The following DENND4C variants were observed in gnomAD, a reference collection of about 807,000 sequenced individuals.
DENND4C encodes DENN domain containing 4C, also known as DENN domain-containing protein 4C.
In DENND4C, 108 loss-of-function variants were observed where a neutral mutation model predicts 203.0. The ratio of observed to expected loss-of-function variants is 0.53; its 90% confidence interval spans 0.46 to 0.62. The LOEUF (loss-of-function observed/expected upper bound fraction) is 0.62. Among genes scored for constraint, DENND4C ranks in the 20% least tolerant of loss-of-function variants. The probability of loss-of-function intolerance (pLI) is 0.00; values close to 1 mark genes in which losing one functional copy is unlikely to be tolerated. For missense variants in DENND4C, 2,481 were observed against 2,301.2 expected (o/e 1.08, Z -1.60); for synonymous variants, 871 against 792.4 (o/e 1.10, Z -1.67).
chr9:19,316,801 A>G lies in DENND4C; in HGVS notation c.1769A>G (p.Asn590Ser). 1 of 1,613,838 alleles carries G rather than the reference A, an allele frequency of 6.2e-7. No individual in the cohort carries two copies. Among genetic ancestry groups the G allele is most frequent in the Non-Finnish European group, 8.5e-7 (1 of 1,179,918 alleles). ...YLRPITEAPS[N>S]KATAADSLFD... ...AGACCAATCACAGAGGCTCCTTCAA[A>G]TAAAGCCACAGCTGCTGATTCATTG... Residue 590 changes from asparagine to serine, a missense_variant, in exon 12 of 33, where the codon AAT (asparagine) becomes AGT (serine). By Grantham distance (46) the Asn-to-Ser change is conservative (BLOSUM62 1). Coordinates refer to ENST00000434457, the MANE Select transcript of DENND4C (RefSeq NM_001330640.2).
At chr9:19,294,770 G>A (rs1263477186) in intron 5 of DENND4C, among the ~76,000 whole-genome samples, 1 of 152,110 alleles carries the variant, frequency 6.6e-6, no homozygotes, top group South Asian at 2.1e-4. Flanking sequence ...ATTATTCTAA[G>A]TGAAATAAGC....
rs543019072 is a variant in DENND4C at position 19,330,344 on chromosome 9, T to G, written c.2254-1634T>G. Among the ~76,000 whole-genome samples the G allele has an allele frequency of 1.7e-3, 252 of 147,572 alleles. 2 individuals carry two copies. The highest frequency in any genetic ancestry group is 5.5e-3 in the African/African-American group (223 of 40,276). On this transcript the variant is annotated intron_variant, in intron 16 of 32. Transcript: ENST00000434457. ...AATATACCAAGTTGGTTTTTTTTTT[T>G]TTTTTTTTTTTTTAAGATGGAGTCT...
intron 18 of DENND4C, among the ~76,000 whole-genome samples, chr9:19,336,048 T>C (rs1010116220): frequency 5.9e-5 from 9 of 152,104 alleles, no homozygotes; most frequent in Admixed American, 5.2e-4. Context: ...TTTTTGACAA[T>C]ATTCTAACAA....
chr9:19,295,889 TCATAA>T, intron 5 of DENND4C, 114 bp from the exon 6 acceptor site: 2 of 707,804 alleles, frequency 2.8e-6, no homozygotes, highest in African/African-American at 1.8e-5. Context: ...ATTTTTTTTT[TCATAA>T]TTTATCTGTA....
At chr9:19,235,503 TAAGTAATA>T (rs1821715968) in intron 1 of DENND4C, among the ~76,000 whole-genome samples, 2 of 151,954 alleles carry the variant, frequency 1.3e-5, no homozygotes, top group Non-Finnish European at 2.9e-5. Flanking sequence ...CTCTTATACT[TAAGTAATA>T]TTGTGGGGCT....
In DENND4C at chr9:19,288,521, T is replaced by C. The variant is rs1242607812; in HGVS notation, c.559-75T>C. On this transcript the variant is annotated intron_variant, in intron 3 of 32. Coordinates refer to ENST00000434457, the MANE Select transcript of DENND4C (RefSeq NM_001330640.2). ...ACTCTTCTGAGTAAATAAATGAATCTTTAGTTGGTATCCAACAAAATCAAT... is the reference window on the plus strand; with the variant it reads ...ACTCTTCTGAGTAAATAAATGAATCCTTAGTTGGTATCCAACAAAATCAAT... 6 of 888,028 alleles carry C rather than the reference T, an allele frequency of 6.8e-6. No homozygotes were observed. In the Admixed American group the frequency reaches 2.6e-4, roughly 38 times the overall value. 55.0% of individuals were successfully genotyped at this position (888,028 alleles called of 1,614,324 possible). A position where few individuals can be genotyped will look rare whatever the true frequency, so the allele number is the denominator to read the frequency against.
chr9:19,271,683 A>G (rs1403096394), intron 1 of DENND4C, among the ~76,000 whole-genome samples: 2 of 151,914 alleles, frequency 1.3e-5, no homozygotes, highest in South Asian at 2.1e-4. Flanking sequence ...CCTGACCAAC[A>G]TGGAGAAACC....
intron 1 of DENND4C, among the ~76,000 whole-genome samples, chr9:19,268,539 G>T (rs2088230782): frequency 6.6e-6 from 1 of 151,942 alleles, no homozygotes; most frequent in African/African-American, 2.4e-5. Context: ...TGTATCTTCA[G>T]GTAATTTCTC....
chr9:19,340,502 A>G (rs148467720), intron 20 of DENND4C, among the ~76,000 whole-genome samples: 105 of 152,114 alleles, frequency 6.9e-4, no homozygotes, highest in South Asian at 4.1e-3. Flanking sequence ...AGTGTATTCT[A>G]TCTCCAAAGA....
intron 31 of DENND4C, 155 bp downstream of exon 31, chr9:19,370,142 A>T (rs532566817): frequency 2.2e-6 from 2 of 897,210 alleles, no homozygotes; most frequent in Non-Finnish European, 3.4e-6. Flanking sequence ...ATACATTCCT[A>T]CTTGAACACA....
Position 19,358,231 on chromosome 9 carries a change from C to A in DENND4C, c.5160+71C>A, listed in dbSNP as rs1825796383. The stretch of plus-strand genomic sequence containing the variant: ...AGTATATAGTAGAACATTATAAATT[C>A]TTCTGTAGTGGACTTATTTTAATTA... On this transcript the variant is annotated intron_variant, in intron 28 of 32. Transcript: ENST00000434457. The surrounding 1 kb of genome is among the most constrained non-coding windows in gnomAD (Gnocchi z 4.8). 3.2e-6 allele frequency: 4 copies of A among 1,239,354 alleles called. No homozygotes were observed. Among genetic ancestry groups the A allele is most frequent in the East Asian group, 2.4e-5 (1 of 41,266 alleles). 76.8% of individuals were successfully genotyped at this position (1,239,354 alleles called of 1,614,324 possible). A position where few individuals can be genotyped will look rare whatever the true frequency, so the allele number is the denominator to read the frequency against.
intron 10 of DENND4C, among the ~76,000 whole-genome samples, chr9:19,310,922 G>T (rs1269009904): frequency 1.3e-5 from 2 of 152,140 alleles, no homozygotes; most frequent in African/African-American, 2.4e-5. Flanking sequence ...CATCATTATA[G>T]TGGATTAAAT....
Position 19,350,854 on chromosome 9 carries a change from T to A in DENND4C, c.4470T>A (p.Asp1490Glu). ...TTGGCAGTAGCAGCAGTAGTGGAGA[T>A]GTAGGAAAACTGCATTATCCAACAG... ...TSLGSSSSSG[D>E]VGKLHYPTGE... Residue 1490 changes from aspartate (D) to glutamate (E), a missense_variant, in exon 24 of 33, where the codon GAT becomes GAA. Around this residue, in one of 3 missense-constraint regions of DENND4C, gnomAD observed 2,289 missense variants for 2,113.3 expected, o/e 1.08. Transcript: ENST00000434457. 1 of 1,613,880 alleles carries A rather than the reference T, an allele frequency of 6.2e-7. No individual in the cohort carries two copies. Among genetic ancestry groups the A allele is most frequent in the Non-Finnish European group, 8.5e-7 (1 of 1,179,926 alleles).
At chr9:19,348,069 G>T (rs575691569) in intron 23 of DENND4C, among the ~76,000 whole-genome samples, 1 of 152,212 alleles carries the variant, frequency 6.6e-6, no homozygotes, top group African/African-American at 2.4e-5. Context: ...GTTTGCTCTC[G>T]TTATTTAACA....
chr9:19,235,319 C>G (rs1334538582), intron 1 of DENND4C, among the ~76,000 whole-genome samples: 1 of 152,102 alleles, frequency 6.6e-6, no homozygotes, highest in South Asian at 2.1e-4. Context: ...AGGGCTGCTA[C>G]AATATAGTAT....
At chr9:19,307,939 G>T (rs1299867238) in intron 10 of DENND4C, among the ~76,000 whole-genome samples, 1 of 151,684 alleles carries the variant, frequency 6.6e-6, no homozygotes, top group Non-Finnish European at 1.5e-5. Context: ...TCACATACAT[G>T]TATTTTTCAA....
At chr9:19,369,815 C>T in intron 30 of DENND4C, 22 bp from the exon 31 acceptor site, 1 of 1,383,624 alleles carries the variant, frequency 7.2e-7, no homozygotes, top group South Asian at 1.9e-5. Context: ...TGAAAAAAAA[C>T]TTACTGTGTT....
rs78035437 is a variant in DENND4C at position 19,331,837 on chromosome 9, C to T, written c.2254-141C>T. ...ACCATTAACACTGATAAGCAGGAAG[C>T]CACTCACAAAAGTCAACTTTGAAGT... is the stretch of plus-strand genomic sequence containing the variant. On this transcript the variant is annotated intron_variant, in intron 16 of 32. Coordinates refer to ENST00000434457, the MANE Select transcript of DENND4C (RefSeq NM_001330640.2). 1,342 of 663,508 alleles carry T rather than the reference C, an allele frequency of 2.0e-3. 10 individuals carry two copies. The African/African-American group carries it at 0.022, about 11-fold the overall frequency. 41.1% of individuals were successfully genotyped at this position (663,508 alleles called of 1,614,324 possible).
At position 19,325,237 on chromosome 9, in the gene DENND4C, G is replaced by A. The variant is rs533037229; in HGVS notation, c.1954-702G>A. On this transcript the variant is annotated intron_variant, in intron 13 of 32. Transcript: ENST00000434457. ...CTTTCCAGATTCTTTTGCCTAATAT[G>A]TTTCTTTTGTTCTAATGGAGGGTGG... Among the ~76,000 whole-genome samples, 483 of 151,994 alleles carry A rather than the reference G, an allele frequency of 3.2e-3. 1 individual carries two copies. Among genetic ancestry groups the A allele is most frequent in the Non-Finnish European group, 5.1e-3 (346 of 67,950 alleles).
Sources: gnomAD v4.1 joint callset for allele counts (sites outside exome capture counted in the v4.1 genomes callset) on GRCh38, gnomAD v4.1.1 for gene constraint, gnomAD v4.1.1 regional missense constraint, Gnocchi (gnomAD v3.1) non-coding constraint, MANE v1.5 for transcripts, NCBI Gene and HGNC (gene_info 2026-07-23, HGNC 2026-07-21) for gene names.